KIAA1549L: variants seen among roughly 807,000 people sequenced by gnomAD.
The protein encoded by KIAA1549L is KIAA1549 like.
KIAA1549L carries 88 observed loss-of-function variants against 160.7 expected under a neutral mutation model. The ratio of observed to expected loss-of-function variants is 0.55; its 90% CI spans 0.46 to 0.65. The LOEUF (loss-of-function observed/expected upper bound fraction) is 0.65. KIAA1549L is among the 30% of genes least tolerant of loss of function. The probability of loss-of-function intolerance (pLI) is 0.00; values close to 1 mark genes in which losing one functional copy is unlikely to be tolerated. For synonymous variants in KIAA1549L, 950 were observed against 976.7 expected, an observed-to-expected ratio of 0.97 and a Z score of 0.51; for missense variants, 2,258 against 2,437.5, an observed-to-expected ratio of 0.93 and a Z score of 1.55.
At chr11:33,667,134 C>T (rs772374539) in intron 20 of KIAA1549L, among the ~76,000 whole-genome samples, 1 of 152,138 alleles carries the variant, frequency 6.6e-6, no homozygotes, top group Non-Finnish European at 1.5e-5. Flanking sequence ...GAGTTCAAGA[C>T]TGCAGTGAGC....
At chr11:33,497,709 A>T (rs1852852800) in intron 1 of KIAA1549L, among the ~76,000 whole-genome samples, 1 of 152,214 alleles carries the variant, frequency 6.6e-6, no homozygotes, top group Admixed American at 6.5e-5. Flanking sequence ...ACACAACAAA[A>T]CAAGGCAGTA....
chr11:33,432,091 T>TC (rs1851260246), intron 1 of KIAA1549L, among the ~76,000 whole-genome samples: 1 of 152,168 alleles, frequency 6.6e-6, no homozygotes, highest in African/African-American at 2.4e-5. Context: ...GCCCACAAGC[T>TC]CTGCACGCAG....
At chr11:33,429,786 G>C (rs1216920535) in intron 1 of KIAA1549L, among the ~76,000 whole-genome samples, 1 of 151,926 alleles carries the variant, frequency 6.6e-6, no homozygotes, top group Non-Finnish European at 1.5e-5. Context: ...ACTCCACCCG[G>C]CTCTGCCTTC....
At chr11:33,412,259 A>G (rs1223463527) in intron 1 of KIAA1549L, among the ~76,000 whole-genome samples, 1 of 152,218 alleles carries the variant, frequency 6.6e-6, no homozygotes, top group African/African-American at 2.4e-5. Flanking sequence ...AAGGAAGAAA[A>G]ATCTATATGT....
chr11:33,541,777 G>A, intron 1 of KIAA1549L, 25 bp from the exon 2 acceptor site: 2 of 246,920 alleles, frequency 8.1e-6, no homozygotes, highest in Admixed American at 4.5e-5. Context: ...TCCAACACCT[G>A]ACGGCCTGAT....
At chr11:33,523,334 C>T (rs1394499660) in intron 1 of KIAA1549L, among the ~76,000 whole-genome samples, 1 of 152,194 alleles carries the variant, frequency 6.6e-6, no homozygotes, top group Non-Finnish European at 1.5e-5. Context: ...TTTCAAAGCC[C>T]TTAGTGTATG....
chr11:33,377,609 T>C (rs1230264329), intron 1 of KIAA1549L, among the ~76,000 whole-genome samples: 1 of 152,202 alleles, frequency 6.6e-6, no homozygotes, highest in East Asian at 1.9e-4. Flanking sequence ...AGTAAGCAGT[T>C]GTCCTGGAAA....
intron 15 of KIAA1549L, among the ~76,000 whole-genome samples, chr11:33,614,585 T>TATA (rs1554922897): frequency 4.1e-3 from 29 of 7,046 alleles, no homozygotes; most frequent in East Asian, 6.9e-3. Context: ...TATATATATA[T>TATA]TTTTTTTTTT....
chr11:33,574,900 C>CT, intron 10 of KIAA1549L, 27 bp downstream of exon 10: 1 of 1,585,000 alleles, frequency 6.3e-7, no homozygotes, highest in Non-Finnish European at 8.6e-7. Context: ...TTTATTCAGT[C>CT]TTTTTAATGC....
intron 6 of KIAA1549L, among the ~76,000 whole-genome samples, chr11:33,553,157 C>A (rs543916072): frequency 6.6e-6 from 1 of 151,974 alleles, no homozygotes; most frequent in Non-Finnish European, 1.5e-5. Flanking sequence ...TTAAACAGCC[C>A]TTTTAAAAAT....
Position 33,658,733 on chromosome 11 carries a change from C to T in KIAA1549L, c.5859-17C>T. 1 of 1,566,996 alleles carries T rather than the reference C, an allele frequency of 6.4e-7. No homozygotes were observed. Among genetic ancestry groups the T allele is most frequent in the Non-Finnish European group, 8.6e-7 (1 of 1,156,764 alleles). On this transcript the variant is annotated splice_polypyrimidine_tract_variant and intron_variant, in intron 18 of 20. Coordinates refer to ENST00000658780, the MANE Select transcript of KIAA1549L (RefSeq NM_012194.3). ...AGGTCTGGGACAGTGCTAACGCAGT[C>T]CCTCTGCCCCATCTAGATCCACCTC... is the stretch of plus-strand genomic sequence containing the variant.
At chr11:33,607,833 A>G (rs1850547643) in intron 14 of KIAA1549L, among the ~76,000 whole-genome samples, 4 of 152,220 alleles carry the variant, frequency 2.6e-5, no homozygotes. Flanking sequence ...TCTGGGCAGA[A>G]AGACTGAGAT....
intron 17 of KIAA1549L, among the ~76,000 whole-genome samples, chr11:33,652,410 CAA>C (rs1267637057): frequency 6.6e-6 from 1 of 152,136 alleles, no homozygotes; most frequent in Non-Finnish European, 1.5e-5. Context: ...GGATACAGCC[CAA>C]AAGGGTCTGC....
chr11:33,430,176 T>A (rs1208826277), intron 1 of KIAA1549L, among the ~76,000 whole-genome samples: 2 of 148,166 alleles, frequency 1.3e-5, no homozygotes, highest in African/African-American at 5.0e-5. Flanking sequence ...TTTGCAGTAT[T>A]TCCCCACCTA....
intron 16 of KIAA1549L, among the ~76,000 whole-genome samples, chr11:33,630,941 A>G (rs1169258318): frequency 6.6e-5 from 10 of 152,196 alleles, no homozygotes; most frequent in Admixed American, 6.5e-4. Flanking sequence ...GAAGGGAAAG[A>G]TGTATTAATT....
intron 4 of KIAA1549L, among the ~76,000 whole-genome samples, chr11:33,550,130 A>C (rs1590334197): frequency 6.6e-6 from 1 of 152,072 alleles, no homozygotes; most frequent in East Asian, 1.9e-4. Context: ...ATAGCTGTAC[A>C]CCATTATGAA....
At chr11:33,577,832 C>T (rs1178297329) in intron 10 of KIAA1549L, among the ~76,000 whole-genome samples, 13 of 152,142 alleles carry the variant, frequency 8.5e-5, no homozygotes, top group Admixed American at 7.2e-4. Flanking sequence ...TCCCCTTCCT[C>T]GCTGCAGTCA....
At chr11:33,541,111 T>C (rs926695778) in intron 1 of KIAA1549L, among the ~76,000 whole-genome samples, 28 of 152,214 alleles carry the variant, frequency 1.8e-4, no homozygotes, top group African/African-American at 5.5e-4. Context: ...CCTGCCTCCT[T>C]GTCTGTCTGC....
intron 18 of KIAA1549L, 33 bp from the exon 19 acceptor site, chr11:33,658,717 A>T (rs12226271): frequency 0.27 from 427,759 of 1,556,622 alleles, 59,979 homozygotes; most frequent in South Asian, 0.35. Context: ...GAGGTCTGGG[A>T]CAGTGCTAAC....
Sources: gnomAD v4.1 joint callset for allele counts (sites outside exome capture counted in the v4.1 genomes callset) on GRCh38, gnomAD v4.1.1 for gene constraint, MANE v1.5 for transcripts, NCBI Gene and HGNC (gene_info 2026-07-23, HGNC 2026-07-21) for gene names.